The following DMD variants were observed in gnomAD, a reference collection of about 807,000 sequenced individuals.
The protein encoded by DMD is mutant dystrophin.
In DMD, 63 loss-of-function variants were observed where a neutral mutation model predicts 330.1. The observed-to-expected ratio is 0.19, with a 90% CI of 0.16 to 0.24. The LOEUF (loss-of-function observed/expected upper bound fraction) is 0.24, where lower values mean the gene tolerates loss of function less well. DMD is among the 10% of genes least tolerant of loss of function. The pLI, the probability that DMD is intolerant of heterozygous loss-of-function variation, is 1.00. For missense variants in DMD, 3,344 were observed against 2,684.1 expected (o/e 1.25, Z -5.43); for synonymous variants, 1,223 against 959.8 (o/e 1.27, Z -5.07).
rs35987440 is a variant in DMD, at chrX:33,267,520, C to CAA, written c.7+71737_7+71738dup. 4.1e-3 allele frequency among the ~76,000 whole-genome samples: 432 copies of CAA among 104,574 alleles called. 5 individuals carry two copies. Among genetic ancestry groups the CAA allele is most frequent in the African/African-American group, 0.014 (394 of 28,551 alleles). The allele number at this position is 104,574 out of a possible 115,157, so 90.8% of individuals were successfully genotyped here. ...AACAATTCTAAAATTCATATGCAAC[C>CAA]AAAAAAAAAAATAAAAGAGCGCATA... On this transcript the variant is annotated intron_variant, in intron 1 of 17. Transcript: ENST00000288447.
chrX:32,712,497 G>A (rs928097063), intron 7 of DMD, among the ~76,000 whole-genome samples: 1 of 111,414 alleles, frequency 9.0e-6, no homozygotes, highest in African/African-American at 3.3e-5. Context: ...TACAAGTTGT[G>A]TTTCCTCCAA....
chrX:32,775,783 G>C (rs1193197128), intron 7 of DMD, among the ~76,000 whole-genome samples: 2 of 112,860 alleles, frequency 1.8e-5, no homozygotes, highest in Non-Finnish European at 3.8e-5. Context: ...CCATTGTCTT[G>C]GCTACTAACA....
Position 32,364,612 on chromosome X carries a change from C to A in DMD, c.5124G>T (p.Lys1708Asn). The A allele has an allele frequency of 8.3e-7, 1 of 1,210,840 alleles. No individual in the cohort carries two copies. The change falls in exon 36 of 79, where the codon AAG (lysine) becomes AAT (asparagine). Residue 1708 changes from lysine (K) to asparagine (N), a missense_variant. Physicochemically the swap from Lys to Asn is moderately conservative, Grantham distance 94 (BLOSUM62 0). Coordinates refer to ENST00000357033, the MANE Select transcript of DMD (RefSeq NM_004006.3). ...ADTLLDESEK[K>N]KPQQKEDVLK... Reference sequence around the variant, plus strand: ...GCACGTCTTCTTTTTGCTGGGGTTTCTTTTTCTCTGATTCATCCAAAAGTG... The same window carrying A: ...GCACGTCTTCTTTTTGCTGGGGTTTATTTTTCTCTGATTCATCCAAAAGTG...
rs138946888 is a variant in DMD at position 32,602,707 on chromosome X, C to G, written c.1483-6831G>C. On this transcript the variant is annotated intron_variant, in intron 12 of 78. Coordinates refer to ENST00000357033, the MANE Select transcript of DMD (RefSeq NM_004006.3). ...AATGTGTAGCTACCACTACTGCTTACTCTATGTTTGAAGACTCATATGCAC... is the reference window on the plus strand; with the variant it reads ...AATGTGTAGCTACCACTACTGCTTAGTCTATGTTTGAAGACTCATATGCAC... 6.3e-5 allele frequency among the ~76,000 whole-genome samples: 7 copies of G among 111,446 alleles called. No homozygotes were observed. The East Asian group carries it at 2.0e-3, about 32-fold the overall frequency.
In DMD at chrX:32,734,382, G is replaced by T. The variant is rs371602097; in HGVS notation, c.650-35089C>A. On this transcript the variant is annotated intron_variant, in intron 7 of 78. Transcript: ENST00000357033. ...CCTTCTGAAACTATTCCAATCAATA[G>T]AAAAAGAGGGAATCCTCCCTAACTC... Among the ~76,000 whole-genome samples the T allele has an allele frequency of 2.2e-3, 221 of 100,253 alleles. 4 individuals carry two copies. Among genetic ancestry groups the T allele is most frequent in the East Asian group, 0.017 (58 of 3,322 alleles). The allele number at this position is 100,253 out of a possible 115,157, so 87.1% of individuals were successfully genotyped here.
At chrX:32,888,406 G>C (rs934199920) in intron 2 of DMD, among the ~76,000 whole-genome samples, 3 of 111,145 alleles carry the variant, frequency 2.7e-5, no homozygotes, top group Non-Finnish European at 5.7e-5. Flanking sequence ...TGGACAACAG[G>C]TATATGACAA....
intron 2 of DMD, among the ~76,000 whole-genome samples, chrX:32,958,256 G>T (rs1389752836): frequency 9.0e-6 from 1 of 111,386 alleles, no homozygotes; most frequent in African/African-American, 3.3e-5. Flanking sequence ...AAAAATAGAA[G>T]AAAATGCAAT....
chrX:31,321,833 G>A (rs183130247), intron 62 of DMD, among the ~76,000 whole-genome samples: 2 of 110,956 alleles, frequency 1.8e-5, no homozygotes, highest in Non-Finnish European at 3.8e-5. Flanking sequence ...AACAGCAAGA[G>A]ACTAATACAC....
At chrX:31,895,725 C>A (rs1253593578) in intron 47 of DMD, among the ~76,000 whole-genome samples, 1 of 111,843 alleles carries the variant, frequency 8.9e-6, no homozygotes, top group Non-Finnish European at 1.9e-5. Context: ...TTCTGCTTTC[C>A]AAATATCTAA....
At position 32,929,184 on chromosome X, in the gene DMD, TG is replaced by T. The variant is rs747904788; in HGVS notation, c.94-79365del. 4.1e-3 allele frequency among the ~76,000 whole-genome samples: 457 copies of T among 110,847 alleles called. 1 individual carries two copies. The highest frequency in any genetic ancestry group is 0.014 in the African/African-American group (432 of 30,516). On this transcript the variant is annotated intron_variant, in intron 2 of 78. Coordinates refer to ENST00000357033, the MANE Select transcript of DMD (RefSeq NM_004006.3). ...TTGGTATATTTAATTTTGAGACTGATGGGGGGACACTTAATTGGAGACGTTC... is the reference window on the plus strand; with the variant it reads ...TTGGTATATTTAATTTTGAGACTGATGGGGGACACTTAATTGGAGACGTTC...
At chrX:32,756,672 C>G (rs111726297) in intron 7 of DMD, among the ~76,000 whole-genome samples, 1 of 111,729 alleles carries the variant, frequency 9.0e-6, no homozygotes, top group Non-Finnish European at 1.9e-5. Flanking sequence ...CAAGGACAAT[C>G]ACTACTTCAG....
chrX:32,355,655 G>A (rs181860585), intron 37 of DMD, among the ~76,000 whole-genome samples: 4 of 111,251 alleles, frequency 3.6e-5, no homozygotes, highest in African/African-American at 1.3e-4. Flanking sequence ...AATTACACAT[G>A]TGGAAAAAAT....
chrX:32,915,097 A>G (rs186548893), intron 2 of DMD, among the ~76,000 whole-genome samples: 80 of 110,593 alleles, frequency 7.2e-4, no homozygotes, highest in African/African-American at 2.5e-3. Flanking sequence ...TAAAACATTT[A>G]AAAATATTAC....
intron 55 of DMD, among the ~76,000 whole-genome samples, chrX:31,517,362 C>T (rs1352846735): frequency 9.0e-6 from 1 of 110,921 alleles, no homozygotes; most frequent in Non-Finnish European, 1.9e-5. Context: ...GATATGAGGC[C>T]GTTCAAAAGA....
At position 32,716,407 on chromosome X, in the gene DMD, C is replaced by T. The variant is rs373596103; in HGVS notation, c.650-17114G>A. Among the ~76,000 whole-genome samples the T allele has an allele frequency of 3.1e-4, 35 of 111,215 alleles. No homozygotes were observed. In the East Asian group the frequency reaches 4.0e-3, roughly 13 times the overall value. ...GTATAAGATGTGCCTGCTTCCCCTT[C>T]GCCTTCCACAAGAAGGTGGAAATTT... is the stretch of plus-strand genomic sequence containing the variant. On this transcript the variant is annotated intron_variant, in intron 7 of 78. Transcript: ENST00000357033.
chrX:31,681,471 C>T (rs770360864), intron 52 of DMD, among the ~76,000 whole-genome samples: 1 of 112,214 alleles, frequency 8.9e-6, no homozygotes, highest in African/African-American at 3.2e-5. Context: ...TGTCAAAGGA[C>T]ATAGTCAGCC....
At chrX:31,986,058 G>A (rs1267773898) in intron 44 of DMD, among the ~76,000 whole-genome samples, 1 of 111,248 alleles carries the variant, frequency 9.0e-6, no homozygotes, top group Non-Finnish European at 1.9e-5. Flanking sequence ...GGAGCCCCTT[G>A]AATGAAGGGG....
intron 47 of DMD, among the ~76,000 whole-genome samples, chrX:31,893,320 T>C (rs1413063980): frequency 9.0e-6 from 1 of 111,181 alleles, no homozygotes; most frequent in Non-Finnish European, 1.9e-5. Flanking sequence ...CGTATGTTAA[T>C]CCCATGTGGT....
At chrX:32,737,843 A>G (rs1174436100) in intron 7 of DMD, among the ~76,000 whole-genome samples, 2 of 111,822 alleles carry the variant, frequency 1.8e-5, no homozygotes, top group African/African-American at 6.5e-5. Context: ...AAATTGATCT[A>G]CTACTCACAA....
Sources: allele counts gnomAD v4.1 joint callset (sites outside exome capture counted in the v4.1 genomes callset), GRCh38; gene constraint gnomAD v4.1.1; transcripts MANE v1.5; gene names NCBI Gene and HGNC (gene_info 2026-07-23, HGNC 2026-07-21).